Variants in SND1 observed in about 807,000 individuals in gnomAD.
SND1 encodes the protein staphylococcal nuclease and tudor domain containing 1.
Under a neutral mutation model 121.7 loss-of-function variants are expected in SND1, and 38 were observed. The observed-to-expected ratio is 0.31, with a 90% CI of 0.24 to 0.41. The LOEUF (loss-of-function observed/expected upper bound fraction) is 0.41, where lower values mean the gene tolerates loss of function less well. Ranked by LOEUF, SND1 falls within the 10% of genes least tolerant of loss-of-function variation. The pLI is 1.00. For synonymous variants in SND1, 401 were observed against 447.4 expected, an observed-to-expected ratio of 0.90 and a Z score of 1.31; for missense variants, 868 against 1,184.6, an observed-to-expected ratio of 0.73 and a Z score of 3.92.
In SND1 at chr7:127,747,622, G is replaced by T. The variant is rs56033933; in HGVS notation, c.1152+26222G>T. Among the ~76,000 whole-genome samples, 1,427 of 152,230 alleles carry T rather than the reference G, an allele frequency of 9.4e-3. 16 individuals carry two copies. Among genetic ancestry groups the T allele is most frequent in the Non-Finnish European group, 0.016 (1,057 of 68,006 alleles). ...TACTGACAGGAGTTATCAGCACCTGGTTGTGACATATTTGACAAGACTGAA... is the reference window on the plus strand; with the variant it reads ...TACTGACAGGAGTTATCAGCACCTGTTTGTGACATATTTGACAAGACTGAA... On this transcript the variant is annotated intron_variant, in intron 10 of 23. Coordinates refer to ENST00000354725, the MANE Select transcript of SND1 (RefSeq NM_014390.4).
chr7:127,830,912 A>G (rs1798727485), intron 11 of SND1, among the ~76,000 whole-genome samples: 1 of 152,200 alleles, frequency 6.6e-6, no homozygotes, highest in South Asian at 2.1e-4. Context: ...TTAGAGTTCT[A>G]GTAAAAGGGG....
intron 10 of SND1, among the ~76,000 whole-genome samples, chr7:127,730,068 A>G (rs961036435): frequency 5.9e-5 from 9 of 152,128 alleles, no homozygotes; most frequent in Non-Finnish European, 1.0e-4. Context: ...CTCTGCCTTC[A>G]AGCGATTCTC....
At chr7:127,684,413 G>A (rs1330188985) in intron 1 of SND1, among the ~76,000 whole-genome samples, 1 of 152,192 alleles carries the variant, frequency 6.6e-6, no homozygotes, top group African/African-American at 2.4e-5. Context: ...TGGAATTTGT[G>A]CTTGAATGAT....
intron 10 of SND1, among the ~76,000 whole-genome samples, chr7:127,764,452 G>C (rs550167502): frequency 1.3e-5 from 2 of 152,310 alleles, no homozygotes; most frequent in Non-Finnish European, 2.9e-5. Flanking sequence ...TGCTCATTAA[G>C]TTTGTGGTGT....
At chr7:127,950,266 A>G (rs1413128133) in intron 15 of SND1, among the ~76,000 whole-genome samples, 1 of 152,068 alleles carries the variant, frequency 6.6e-6, no homozygotes, top group East Asian at 1.9e-4. Flanking sequence ...TTGTATACAC[A>G]ATGCGTTAAT....
intron 13 of SND1, among the ~76,000 whole-genome samples, chr7:127,898,009 A>G (rs545037642): frequency 6.6e-6 from 1 of 152,206 alleles, no homozygotes; most frequent in African/African-American, 2.4e-5. Flanking sequence ...CATAACCACT[A>G]CTACCCAGCT....
intron 16 of SND1, among the ~76,000 whole-genome samples, chr7:127,994,573 A>AAC (rs1802596820): frequency 7.3e-6 from 1 of 137,444 alleles, no homozygotes; most frequent in Admixed American, 8.0e-5. Flanking sequence ...AAAAAAAAAA[A>AAC]AAAAAAAAAA....
intron 11 of SND1, among the ~76,000 whole-genome samples, chr7:127,834,516 T>G (rs1388394110): frequency 2.0e-5 from 3 of 152,248 alleles, no homozygotes; most frequent in African/African-American, 7.2e-5. Context: ...GATCGGTGTC[T>G]GTGACTTTAG....
intron 16 of SND1, among the ~76,000 whole-genome samples, chr7:128,006,664 C>T (rs1009358633): frequency 1.3e-5 from 2 of 152,242 alleles, no homozygotes; most frequent in Non-Finnish European, 2.9e-5. Context: ...TTGTCCCCCA[C>T]ACCCAGTGTG....
At chr7:128,025,869 T>C (rs1167092514) in intron 16 of SND1, among the ~76,000 whole-genome samples, 1 of 152,144 alleles carries the variant, frequency 6.6e-6, no homozygotes, top group Non-Finnish European at 1.5e-5. Flanking sequence ...GAATATAGTC[T>C]TCCTTGGGAC....
chr7:127,699,212 C>G (rs772438768), intron 4 of SND1, among the ~76,000 whole-genome samples: 3 of 152,184 alleles, frequency 2.0e-5, no homozygotes, highest in Admixed American at 6.5e-5. Context: ...AAGTCTTAGA[C>G]TAGATATTCA....
intron 13 of SND1, among the ~76,000 whole-genome samples, chr7:127,890,297 C>A (rs112874238): frequency 1.2e-3 from 178 of 152,264 alleles, no homozygotes; most frequent in African/African-American, 3.8e-3. Context: ...CACCTTTTCA[C>A]ACGCCCATTT....
At chr7:127,668,412 CAG>C in intron 1 of SND1, among the ~76,000 whole-genome samples, 1 of 152,186 alleles carries the variant, frequency 6.6e-6, no homozygotes, top group East Asian at 1.9e-4. Flanking sequence ...GAACTCGTGA[CAG>C]TATTACATAA....
At chr7:127,751,897 T>A (rs1380247245) in intron 10 of SND1, among the ~76,000 whole-genome samples, 1 of 152,242 alleles carries the variant, frequency 6.6e-6, no homozygotes, top group Non-Finnish European at 1.5e-5. Flanking sequence ...GGCACGACGC[T>A]TCCCCAGCTG....
At chr7:127,783,715 A>G (rs963258281) in intron 10 of SND1, among the ~76,000 whole-genome samples, 5 of 152,210 alleles carry the variant, frequency 3.3e-5, no homozygotes, top group African/African-American at 1.2e-4. Context: ...TGAGAAAAAA[A>G]AATTCTCTTT....
At chr7:127,817,867 C>T (rs1798476141) in intron 11 of SND1, among the ~76,000 whole-genome samples, 1 of 151,690 alleles carries the variant, frequency 6.6e-6, no homozygotes, top group Non-Finnish European at 1.5e-5. Context: ...GTCTGACCTT[C>T]CTCCCCACCC....
At chr7:127,796,135 A>T (rs555219760) in intron 10 of SND1, among the ~76,000 whole-genome samples, 103 of 151,900 alleles carry the variant, frequency 6.8e-4, no homozygotes, top group African/African-American at 2.5e-3. Context: ...GATGTTTTCT[A>T]ATCTTTATTG....
chr7:128,067,232 A>G (rs1793331830), intron 16 of SND1, among the ~76,000 whole-genome samples: 1 of 152,192 alleles, frequency 6.6e-6, no homozygotes, highest in Non-Finnish European at 1.5e-5. Flanking sequence ...TGCCCAGCCC[A>G]TAAGAGGCAG....
chr7:127,652,251 C>T lies in SND1; in HGVS notation c.-123C>T. The T allele has an allele frequency of 1.2e-6, 1 of 823,184 alleles. No homozygotes were observed. Among genetic ancestry groups the T allele is most frequent in the African/African-American group, 1.7e-5 (1 of 59,248 alleles). The allele number at this position is 823,184 out of a possible 1,614,324, so 51.0% of individuals were successfully genotyped here. On this transcript the variant is annotated 5_prime_UTR_variant, in exon 1 of 24. Coordinates refer to ENST00000354725, the MANE Select transcript of SND1 (RefSeq NM_014390.4). ...TGAGCGCCCGGCGAGTCCGTCCCGT[C>T]CACCGTCCGCAGCTGGTAGCCAGCC...
Sources: gnomAD v4.1 joint callset for allele counts (sites outside exome capture counted in the v4.1 genomes callset) on GRCh38, gnomAD v4.1.1 for gene constraint, MANE v1.5 for transcripts, NCBI Gene and HGNC (gene_info 2026-07-23, HGNC 2026-07-21) for gene names.